The following ATP10A variants were observed in gnomAD, a reference collection of about 807,000 sequenced individuals.
ATP10A encodes the protein phospholipid-transporting ATPase VA.
Under a neutral mutation model 147.8 loss-of-function variants are expected in ATP10A, and 111 were observed. The observed-to-expected ratio is 0.75, with a 90% confidence interval of 0.64 to 0.88. The LOEUF is 0.88. ATP10A is among the 40% of genes least tolerant of loss of function. The pLI, the probability that ATP10A is intolerant of heterozygous loss-of-function variation, is 0.00. For synonymous variants in ATP10A, 875 were observed against 841.6 expected, an observed-to-expected ratio of 1.04 and a Z score of -0.69; for missense variants, 1,927 against 1,959.0, an observed-to-expected ratio of 0.98 and a Z score of 0.31.
At position 25,750,639 on chromosome 15, in the gene ATP10A, C is replaced by T. The variant is rs552302693; in HGVS notation, c.655-14498G>A. Among the ~76,000 whole-genome samples the T allele has an allele frequency of 6.6e-5, 10 of 151,966 alleles. No individual in the cohort carries two copies. The South Asian group carries it at 2.1e-3, about 32-fold the overall frequency. Reference sequence around the variant, plus strand: ...GGGTAAGTAAGACTTTTTCTTATTACATAAATCTCTGTAATATATAAGCAA... The same window carrying T: ...GGGTAAGTAAGACTTTTTCTTATTATATAAATCTCTGTAATATATAAGCAA... On this transcript the variant is annotated intron_variant, in intron 2 of 20. Transcript: ENST00000555815.
chr15:25,848,484 T>G (rs1893133649), intron 1 of ATP10A, among the ~76,000 whole-genome samples: 1 of 151,874 alleles, frequency 6.6e-6, no homozygotes, highest in Non-Finnish European at 1.5e-5. Flanking sequence ...ATTCTGGAGG[T>G]CAATCTGACA....
rs1006745710 is a variant in ATP10A, at chr15:25,718,068, C to A, written c.1581+114G>T. The A allele has an allele frequency of 1.0e-4, 118 of 1,161,056 alleles. No homozygotes were observed. The South Asian group carries it at 1.1e-3, about 11-fold the overall frequency. 71.9% of individuals were successfully genotyped at this position (1,161,056 alleles called of 1,614,324 possible). On this transcript the variant is annotated intron_variant, in intron 8 of 20. Transcript: ENST00000555815. Reference sequence around the variant, plus strand: ...AAGCTTCTGCTGAGTAGAGCCAAGCCGCCCAGCGACAGTGTATTTGTAGGA... The same window carrying A: ...AAGCTTCTGCTGAGTAGAGCCAAGCAGCCCAGCGACAGTGTATTTGTAGGA...
At chr15:25,754,791 C>G (rs1888332012) in intron 2 of ATP10A, among the ~76,000 whole-genome samples, 1 of 152,058 alleles carries the variant, frequency 6.6e-6, no homozygotes, top group Non-Finnish European at 1.5e-5. Flanking sequence ...TAAAGATAAT[C>G]CGGAATTACA....
chr15:25,742,013 T>C (rs959665238), intron 2 of ATP10A, among the ~76,000 whole-genome samples: 1 of 152,242 alleles, frequency 6.6e-6, no homozygotes, highest in African/African-American at 2.4e-5. Flanking sequence ...GAAATGAGCA[T>C]GAAACCCATT....
chr15:25,845,514 G>T (rs1350022854), intron 1 of ATP10A, among the ~76,000 whole-genome samples: 1 of 152,164 alleles, frequency 6.6e-6, no homozygotes, highest in Non-Finnish European at 1.5e-5. Flanking sequence ...GAAGTGTCAA[G>T]GTTGAGAGAA....
intron 2 of ATP10A, among the ~76,000 whole-genome samples, chr15:25,754,383 T>C (rs758637994): frequency 8.5e-5 from 13 of 152,174 alleles, no homozygotes; most frequent in Non-Finnish European, 1.8e-4. Flanking sequence ...ATCTGCCTGC[T>C]TTGGCCTCAA....
chr15:25,811,728 G>A (rs1567403132), intron 1 of ATP10A, among the ~76,000 whole-genome samples: 1 of 152,176 alleles, frequency 6.6e-6, no homozygotes, highest in Non-Finnish European at 1.5e-5. Context: ...AGAGTCCAGG[G>A]ACCATGCATG....
In ATP10A at chr15:25,680,637, C is replaced by T. The variant is rs144367526; in HGVS notation, c.3678+173G>A. 3.2e-3 allele frequency among the ~76,000 whole-genome samples: 483 copies of T among 152,228 alleles called. 5 individuals are homozygous for T. Among genetic ancestry groups the T allele is most frequent in the African/African-American group, 0.011 (464 of 41,544 alleles). On this transcript the variant is annotated intron_variant, in intron 19 of 20. Transcript: ENST00000555815. ...GTGCGAGCATCAGGCTGCAGCGGCT[C>T]CCCACACCACAGGGCTCGGGAATGT... is the stretch of plus-strand genomic sequence containing the variant.
chr15:25,765,705 C>CT (rs1192330792), intron 2 of ATP10A, among the ~76,000 whole-genome samples: 1 of 152,354 alleles, frequency 6.6e-6, no homozygotes, highest in African/African-American at 2.4e-5. Context: ...CTTAATTCTT[C>CT]CAGCTCTGTG....
At position 25,806,294 on chromosome 15, in the gene ATP10A, T is replaced by C. The variant is rs576293291; in HGVS notation, c.450-25071A>G. On this transcript the variant is annotated intron_variant, in intron 1 of 20. Transcript: ENST00000555815. Reference sequence around the variant, plus strand: ...ACTTCCACTTAATGCATAGTAAATGTATTTCCTCTGCCTTAAGATTTTCTT... The same window carrying C: ...ACTTCCACTTAATGCATAGTAAATGCATTTCCTCTGCCTTAAGATTTTCTT... Among the ~76,000 whole-genome samples the C allele has an allele frequency of 9.8e-4, 149 of 152,216 alleles. 1 individual carries two copies. Among genetic ancestry groups the C allele is most frequent in the African/African-American group, 3.4e-3 (141 of 41,528 alleles).
intron 1 of ATP10A, among the ~76,000 whole-genome samples, chr15:25,813,537 A>G (rs2140824507): frequency 6.6e-6 from 1 of 152,362 alleles, no homozygotes; most frequent in East Asian, 1.9e-4. Flanking sequence ...AACACAACCT[A>G]CAACAAAGCA....
chr15:25,827,578 C>G (rs563018186), intron 1 of ATP10A, among the ~76,000 whole-genome samples: 2 of 152,104 alleles, frequency 1.3e-5, no homozygotes, highest in African/African-American at 4.8e-5. Context: ...ATTAATCTGA[C>G]CTACATTGCT....
chr15:25,778,623 T>C (rs1004103801), intron 2 of ATP10A, among the ~76,000 whole-genome samples: 2 of 152,180 alleles, frequency 1.3e-5, no homozygotes, highest in South Asian at 2.1e-4. Context: ...GCTGTTAGTT[T>C]GGCCATTTTG....
intron 2 of ATP10A, among the ~76,000 whole-genome samples, chr15:25,766,771 A>C (rs1263357442): frequency 2.0e-5 from 3 of 152,026 alleles, no homozygotes; most frequent in Non-Finnish European, 4.4e-5. Context: ...GGGCCTCAGC[A>C]AAACATCCTA....
chr15:25,858,892 G>GA (rs369385590), intron 1 of ATP10A, among the ~76,000 whole-genome samples: 53 of 149,276 alleles, frequency 3.6e-4, no homozygotes, highest in African/African-American at 9.1e-4. Flanking sequence ...GCAAAAGGGA[G>GA]AAAAAAAAAA....
At position 25,729,180 on chromosome 15, in the gene ATP10A, T is replaced by A. The variant is rs1596773323; in HGVS notation, c.741-1914A>T. Among the ~76,000 whole-genome samples, 3 of 152,108 alleles carry A rather than the reference T, an allele frequency of 2.0e-5. No individual in the cohort carries two copies. The South Asian group carries it at 6.2e-4, about 32-fold the overall frequency. ...TTTGGAGACAGAGTCTTTAAAGAGA[T>A]CCTTAAGTTAAAATGAGGTCCTTTG... is the stretch of plus-strand genomic sequence containing the variant. On this transcript the variant is annotated intron_variant, in intron 3 of 20. Transcript: ENST00000555815.
intron 17 of ATP10A, among the ~76,000 whole-genome samples, chr15:25,681,850 G>C (rs186670731): frequency 6.6e-6 from 1 of 152,080 alleles, no homozygotes; most frequent in African/African-American, 2.4e-5. Flanking sequence ...TCAGGAGATC[G>C]AGACCATCCT....
intron 2 of ATP10A, among the ~76,000 whole-genome samples, chr15:25,742,034 T>C (rs1488943500): frequency 1.3e-5 from 2 of 152,170 alleles, no homozygotes; most frequent in East Asian, 1.9e-4. Context: ...TAGACAGCAA[T>C]GTAATCTATA....
chr15:25,835,438 C>G (rs1351284754), intron 1 of ATP10A, among the ~76,000 whole-genome samples: 1 of 152,174 alleles, frequency 6.6e-6, no homozygotes. Flanking sequence ...GCAGGAGCAG[C>G]AGCCCACGGA....
Sources: allele counts gnomAD v4.1 joint callset (sites outside exome capture counted in the v4.1 genomes callset), GRCh38; gene constraint gnomAD v4.1.1; transcripts MANE v1.5; gene names NCBI Gene and HGNC (gene_info 2026-07-23, HGNC 2026-07-21).